The following PDE6A variants were observed in gnomAD, a reference collection of about 807,000 sequenced individuals.
The protein encoded by PDE6A is rod cGMP-specific 3',5'-cyclic phosphodiesterase subunit alpha.
PDE6A carries 84 observed loss-of-function variants against 106.3 expected under a neutral mutation model. The observed-to-expected ratio is 0.79, with a 90% confidence interval of 0.66 to 0.95. The LOEUF (loss-of-function observed/expected upper bound fraction) is 0.95. Ranked by LOEUF, PDE6A falls within the 40% of genes least tolerant of loss-of-function variation. PDE6A has a pLI of 0.00. For missense variants in PDE6A, 1,052 were observed against 1,084.9 expected (o/e 0.97, Z 0.43); for synonymous variants, 394 against 386.6 (o/e 1.02, Z -0.23).
intron 17 of PDE6A, among the ~76,000 whole-genome samples, chr5:149,879,315 G>A (rs903100814): frequency 6.6e-5 from 10 of 151,952 alleles, no homozygotes; most frequent in Admixed American, 3.3e-4. Flanking sequence ...CAGGTGATCC[G>A]CCTGCCTCAG....
chr5:149,886,294 G>T lies in PDE6A; in HGVS notation c.1809C>A (p.His603Gln). Residue 603 changes from histidine to glutamine, a missense_variant, in exon 14 of 22, where the codon CAC (histidine) becomes CAA (glutamine). Transcript: ENST00000255266. ...VTAAFCHDID[H>Q]RGTNNLYQMK... ...TCTGGTAGAGGTTATTGGTGCCTCTGTGGTCAATGTCATGGCAGAAAGCAG... is the reference window on the plus strand; with the variant it reads ...TCTGGTAGAGGTTATTGGTGCCTCTTTGGTCAATGTCATGGCAGAAAGCAG... 2.5e-6 allele frequency: 4 copies of T among 1,613,852 alleles called. No individual in the cohort carries two copies. Among genetic ancestry groups the T allele is most frequent in the Non-Finnish European group, 3.4e-6 (4 of 1,179,682 alleles).
Position 149,941,424 on chromosome 5 carries a change from G to C in PDE6A, c.474+2776C>G, listed in dbSNP as rs913486977. Among the ~76,000 whole-genome samples the C allele has an allele frequency of 3.3e-5, 5 of 152,318 alleles. No individual in the cohort carries two copies. The South Asian group carries it at 8.3e-4, about 25-fold the overall frequency. On this transcript the variant is annotated intron_variant, in intron 1 of 21. Transcript: ENST00000255266. ...GCCTTTAAAAACCAACATCCAGAGA[G>C]GGGGAGTGATTTGCCCAAGGTGATC...
At chr5:149,908,225 TC>T (rs1581191394) in intron 6 of PDE6A, among the ~76,000 whole-genome samples, 2 of 152,336 alleles carry the variant, frequency 1.3e-5, no homozygotes, top group East Asian at 3.9e-4. Context: ...ATCTATCCAT[TC>T]AACTGTTGGT....
At chr5:149,883,588 A>C in intron 16 of PDE6A, 52 bp from the exon 17 acceptor site, 1 of 1,174,198 alleles carries the variant, frequency 8.5e-7, no homozygotes. Context: ...ATAAGGCAAC[A>C]CCTGAGCTGC....
chr5:149,932,795 G>A, intron 3 of PDE6A: 1 of 793,718 alleles, frequency 1.3e-6, no homozygotes, highest in Non-Finnish European at 2.0e-6. Context: ...ATGTGCATGT[G>A]CTGGATTGAG....
At chr5:149,916,028 AG>A (rs770215739) in intron 5 of PDE6A, among the ~76,000 whole-genome samples, 1 of 152,202 alleles carries the variant, frequency 6.6e-6, no homozygotes, top group Non-Finnish European at 1.5e-5. Context: ...GCTGGAGTGC[AG>A]TGGCACAGTC....
chr5:149,942,182 C>T (rs1480947369), intron 1 of PDE6A, among the ~76,000 whole-genome samples: 1 of 152,104 alleles, frequency 6.6e-6, no homozygotes. Flanking sequence ...AGCCTGGTCT[C>T]AAATTTCTGG....
chr5:149,866,187 A>G lies in PDE6A; in HGVS notation c.2341T>C (p.Cys781Arg). The G allele has an allele frequency of 6.2e-7, 1 of 1,613,984 alleles. No individual in the cohort carries two copies. ...KLQVGFIDFV[C>R]TFVYKEFSRF... ...GGGCCTACCTTGTAGACGAAGGTGC[A>G]AACAAAGTCAATGAAGCCGACTTGA... The change falls in exon 20 of 22, where the codon TGC becomes CGC. Residue 781 changes from cysteine (C) to arginine (R), a missense_variant. This residue lies in a region of PDE6A where 135 missense variants were observed against 153.2 expected (regional missense o/e 0.88). Coordinates refer to ENST00000255266, the MANE Select transcript of PDE6A (RefSeq NM_000440.3).
chr5:149,903,761 G>A (rs1425699109), intron 7 of PDE6A, 66 bp from the exon 8 acceptor site: 1 of 1,156,454 alleles, frequency 8.6e-7, no homozygotes, highest in African/African-American at 1.5e-5. Flanking sequence ...GTGAAGCACT[G>A]TATACCATTT....
chr5:149,898,003 C>G lies in PDE6A; in HGVS notation c.1407+360G>C, dbSNP rs149792837. ...CAGAGTAGGGGCTATGGCTGGTTGA[C>G]TCTGTCTCCAGTAGCAAGTCATCCC... is the stretch of plus-strand genomic sequence containing the variant. On this transcript the variant is annotated intron_variant, in intron 10 of 21. Coordinates refer to ENST00000255266, the MANE Select transcript of PDE6A (RefSeq NM_000440.3). Among the ~76,000 whole-genome samples the G allele has an allele frequency of 1.4e-4, 21 of 152,302 alleles. No individual in the cohort carries two copies. The East Asian group carries it at 4.0e-3, about 29-fold the overall frequency.
chr5:149,900,373 A>ATG lies in PDE6A; in HGVS notation c.1114-851_1114-850dup, dbSNP rs1226614193. On this transcript the variant is annotated intron_variant, in intron 8 of 21. Transcript: ENST00000255266. ...AGAGACTCCATCTCGAAAAATATAT[A>ATG]TGTATATATATATATATATATATAT... 3.5e-4 allele frequency among the ~76,000 whole-genome samples: 36 copies of ATG among 101,656 alleles called. 2 individuals are homozygous for ATG. Among genetic ancestry groups the ATG allele is most frequent in the African/African-American group, 1.1e-3 (25 of 22,726 alleles). The allele number at this position is 101,656 out of a possible 152,430, so 66.7% of individuals were successfully genotyped here.
chr5:149,928,231 A>ATATATAGTTTTTTTTTT, intron 4 of PDE6A, among the ~76,000 whole-genome samples: 1 of 19,754 alleles, frequency 5.1e-5, no homozygotes, highest in Non-Finnish European at 8.3e-5. Flanking sequence ...ATATATATAT[A>ATATATAGTTTTTTTTTT]TTTTTTTTTT....
At chr5:149,889,081 C>CAAAAAAAAA (rs568428704) in intron 13 of PDE6A, among the ~76,000 whole-genome samples, 4 of 61,584 alleles carry the variant, frequency 6.5e-5, no homozygotes, top group African/African-American at 2.9e-4. Context: ...GACTCTGTCT[C>CAAAAAAAAA]AAAAAAAAAA....
intron 6 of PDE6A, among the ~76,000 whole-genome samples, chr5:149,909,332 A>T (rs966070253): frequency 2.6e-5 from 4 of 152,144 alleles, no homozygotes; most frequent in Non-Finnish European, 4.4e-5. Context: ...AATTTTTAAA[A>T]TTTTTTTATA....
intron 5 of PDE6A, among the ~76,000 whole-genome samples, chr5:149,918,877 C>T (rs1466147408): frequency 6.6e-6 from 1 of 152,090 alleles, no homozygotes; most frequent in African/African-American, 2.4e-5. Context: ...TCTGCCTCAG[C>T]CTCCCAAAGT....
rs1346716716 is a variant in PDE6A at position 149,934,686 on chromosome 5, G to A, written c.507C>T (p.Leu169=). Residue 169 remains leucine (L), a synonymous_variant, in exon 2 of 22, where the codon CTC becomes CTT. Coordinates refer to ENST00000255266, the MANE Select transcript of PDE6A (RefSeq NM_000440.3). The part of the protein sequence containing the change: ...DEHFCDFVDI[L]TEYKTKNILA... Reference sequence around the variant, plus strand: ...AGATGTTCTTGGTCTTGTACTCTGTGAGGATGTCCACAAAGTCACAGAAAT... The same window carrying A: ...AGATGTTCTTGGTCTTGTACTCTGTAAGGATGTCCACAAAGTCACAGAAAT... 3.1e-6 allele frequency: 5 copies of A among 1,614,036 alleles called. No individual in the cohort carries two copies. The highest frequency in any genetic ancestry group is 1.7e-5 in the Admixed American group (1 of 60,026).
chr5:149,886,503 C>T, intron 13 of PDE6A, 129 bp from the exon 14 acceptor site: 1 of 730,166 alleles, frequency 1.4e-6, no homozygotes, highest in East Asian at 2.7e-5. Context: ...TGTATCCTGG[C>T]TCCAGAGGCT....
intron 1 of PDE6A, 101 bp downstream of exon 1, chr5:149,944,099 C>A (rs1221286050): frequency 2.4e-6 from 2 of 828,124 alleles, no homozygotes; most frequent in African/African-American, 1.7e-5. Context: ...ACCATGTTGT[C>A]ACCAGCCTTG....
chr5:149,873,498 A>T (rs2113523707), intron 17 of PDE6A, among the ~76,000 whole-genome samples: 1 of 152,004 alleles, frequency 6.6e-6, no homozygotes, highest in East Asian at 1.9e-4. Flanking sequence ...CGCCCAGCTA[A>T]TTTTTGTATT....
Sources: gnomAD v4.1 joint callset for allele counts (sites outside exome capture counted in the v4.1 genomes callset) on GRCh38, gnomAD v4.1.1 for gene constraint, gnomAD v4.1.1 regional missense constraint, MANE v1.5 for transcripts, NCBI Gene and HGNC (gene_info 2026-07-23, HGNC 2026-07-21) for gene names.